Variants in SLC24A2 observed in about 807,000 individuals in gnomAD.
SLC24A2 encodes sodium/potassium/calcium exchanger 2.
SLC24A2 carries 36 observed loss-of-function variants against 62.0 expected under a neutral mutation model. The ratio of observed to expected loss-of-function variants is 0.58; its 90% CI spans 0.44 to 0.77. The LOEUF (loss-of-function observed/expected upper bound fraction) is 0.77, where lower values mean the gene tolerates loss of function less well. Ranked by LOEUF, SLC24A2 falls within the 30% of genes least tolerant of loss-of-function variation. SLC24A2 has a pLI of 0.00. For synonymous variants in SLC24A2, 358 were observed against 294.0 expected (o/e 1.22, Z -2.23); for missense variants, 846 against 817.9 (o/e 1.03, Z -0.42).
chr9:19,683,036 T>A lies in SLC24A2; in HGVS notation c.931-60737A>T, dbSNP rs145782343. 1.4e-3 allele frequency among the ~76,000 whole-genome samples: 215 copies of A among 151,964 alleles called. 5 individuals are homozygous for A. The East Asian group carries it at 0.037, about 26-fold the overall frequency. ...AAAGCTAGGGACCCACCGTGAAAAA[T>A]CAGCTACACAAATTTCATTCCTAGC... is the stretch of plus-strand genomic sequence containing the variant. On this transcript the variant is annotated intron_variant, in intron 2 of 10. Transcript: ENST00000341998.
intron 2 of SLC24A2, among the ~76,000 whole-genome samples, chr9:19,773,520 T>C (rs1028008985): frequency 3.9e-5 from 6 of 152,170 alleles, no homozygotes; most frequent in Admixed American, 1.3e-4. Flanking sequence ...AAATTAGTCA[T>C]TTGCTGCTTG....
chr9:20,095,591 AT>A, the SLC24A2 span, among the ~76,000 whole-genome samples: 1 of 152,056 alleles, frequency 6.6e-6, no homozygotes, highest in African/African-American at 2.4e-5. Flanking sequence ...AAAGTGAAAC[AT>A]TGGCTCTTCT....
chr9:20,019,295 G>GAAAGAAAGAAAA, the SLC24A2 span, among the ~76,000 whole-genome samples: 1 of 149,978 alleles, frequency 6.7e-6, no homozygotes. Context: ...AAGAAAGAAA[G>GAAAGAAAGAAAA]AAAGAAAGAA....
chr9:19,558,111 C>A (rs989627594), intron 7 of SLC24A2, among the ~76,000 whole-genome samples: 35 of 152,098 alleles, frequency 2.3e-4, no homozygotes, highest in African/African-American at 8.0e-4. Context: ...CCTCACATTT[C>A]CTTAAAAAGC....
the SLC24A2 span, among the ~76,000 whole-genome samples, chr9:20,120,037 G>C: frequency 6.6e-6 from 1 of 152,114 alleles, no homozygotes; most frequent in African/African-American, 2.4e-5. Context: ...GACTACTCCA[G>C]CTTCTAGAAA....
chr9:19,990,904 G>T, the SLC24A2 span, among the ~76,000 whole-genome samples: 1 of 53,264 alleles, frequency 1.9e-5, no homozygotes, highest in Non-Finnish European at 4.4e-5. Context: ...GGGTTCTCTA[G>T]AGGGACAGGA....
chr9:19,619,878 A>T (rs941453660), intron 3 of SLC24A2, among the ~76,000 whole-genome samples, 186 bp from the exon 4 acceptor site: 2 of 152,236 alleles, frequency 1.3e-5, no homozygotes, highest in Non-Finnish European at 2.9e-5. Context: ...CTTTCCTACT[A>T]AATGAATGCA....
chr9:19,849,735 C>T, the SLC24A2 span, among the ~76,000 whole-genome samples: 1 of 152,158 alleles, frequency 6.6e-6, no homozygotes, highest in East Asian at 1.9e-4. Flanking sequence ...CTCTGTCCTT[C>T]TAAGTCTGGA....
intron 2 of SLC24A2, among the ~76,000 whole-genome samples, chr9:19,773,546 A>G (rs1265740773): frequency 1.3e-5 from 2 of 152,160 alleles, no homozygotes; most frequent in Non-Finnish European, 1.5e-5. Flanking sequence ...AATACATAAA[A>G]CACTACATTT....
chr9:20,300,086 G>A, the SLC24A2 span, among the ~76,000 whole-genome samples: 1 of 152,200 alleles, frequency 6.6e-6, no homozygotes, highest in Non-Finnish European at 1.5e-5. Context: ...TAAATACACA[G>A]ATGATGGTTG....
the SLC24A2 span, among the ~76,000 whole-genome samples, chr9:20,276,029 G>A: frequency 9.2e-4 from 140 of 152,210 alleles, 1 homozygote; most frequent in African/African-American, 3.1e-3. Context: ...ATTTGGGTGA[G>A]GACACAGCCA....
At chr9:19,790,591 T>C (rs1823305616), upstream of SLC24A2, among the ~76,000 whole-genome samples, 1 of 151,564 alleles carries the variant, frequency 6.6e-6, no homozygotes, top group African/African-American at 2.4e-5. Context: ...TGATTATATC[T>C]ATTAATTGAT....
chr9:20,158,988 A>G, the SLC24A2 span, among the ~76,000 whole-genome samples: 1 of 151,684 alleles, frequency 6.6e-6, no homozygotes, highest in African/African-American at 2.4e-5. Context: ...TTCAGACAAA[A>G]TGATCAAATT....
At chr9:19,944,046 T>C in the SLC24A2 span, among the ~76,000 whole-genome samples, 6 of 152,064 alleles carry the variant, frequency 3.9e-5, no homozygotes, top group African/African-American at 1.2e-4. Context: ...CACTTATAAG[T>C]GGAAGCTAAA....
At chr9:20,295,036 G>GTATATATA in the SLC24A2 span, among the ~76,000 whole-genome samples, 5,003 of 145,576 alleles carry the variant, frequency 0.034, 131 homozygotes, top group Non-Finnish European at 0.057. Flanking sequence ...GTGTATATAT[G>GTATATATA]TATATATATA....
chr9:19,666,762 G>A (rs1819267625), intron 2 of SLC24A2, among the ~76,000 whole-genome samples: 1 of 151,944 alleles, frequency 6.6e-6, no homozygotes, highest in Non-Finnish European at 1.5e-5. Context: ...TTCAATGCAG[G>A]ACATCTTGTC....
At chr9:19,603,430 G>C (rs1279078751) in intron 4 of SLC24A2, among the ~76,000 whole-genome samples, 1 of 151,926 alleles carries the variant, frequency 6.6e-6, no homozygotes, top group African/African-American at 2.4e-5. Context: ...GTACAGATAG[G>C]CCTGTTGGTT....
the SLC24A2 span, among the ~76,000 whole-genome samples, chr9:20,163,484 A>T: frequency 6.6e-6 from 1 of 152,182 alleles, no homozygotes; most frequent in Non-Finnish European, 1.5e-5. Context: ...ATAAAAGAGG[A>T]TACAAAGAAA....
intron 2 of SLC24A2, among the ~76,000 whole-genome samples, chr9:19,721,565 A>T (rs112006264): frequency 2.0e-4 from 30 of 152,262 alleles, no homozygotes; most frequent in African/African-American, 6.3e-4. Context: ...TGATAAAATC[A>T]GGGCAATTAA....
Sources: allele counts gnomAD v4.1 joint callset (sites outside exome capture counted in the v4.1 genomes callset), GRCh38; gene constraint gnomAD v4.1.1; transcripts MANE v1.5; gene names NCBI Gene and HGNC (gene_info 2026-07-23, HGNC 2026-07-21).